RBMS3: variants seen among roughly 807,000 people sequenced by gnomAD.
RBMS3 encodes the protein RNA binding motif single stranded interacting protein 3, also known as RNA-binding motif, single-stranded-interacting protein 3.
RBMS3 carries 27 observed loss-of-function variants against 66.8 expected under a neutral mutation model. The observed-to-expected ratio is 0.40, with a 90% CI of 0.30 to 0.56. The LOEUF (loss-of-function observed/expected upper bound fraction) is 0.56. Among genes scored for constraint, RBMS3 ranks in the 20% least tolerant of loss-of-function variants. The pLI is 0.40. For synonymous variants in RBMS3, 188 were observed against 183.0 expected, an observed-to-expected ratio of 1.03 and a Z score of -0.22; for missense variants, 513 against 549.5, an observed-to-expected ratio of 0.93 and a Z score of 0.66.
Position 29,690,477 on chromosome 3 carries a change from A to G in RBMS3, c.400-49243A>G, listed in dbSNP as rs566362716. 7.8e-4 allele frequency among the ~76,000 whole-genome samples: 119 copies of G among 152,362 alleles called. 2 individuals are homozygous for G. In the South Asian group the frequency reaches 0.023, roughly 30 times the overall value. On this transcript the variant is annotated intron_variant, in intron 4 of 14. Coordinates refer to ENST00000383767, the MANE Select transcript of RBMS3 (RefSeq NM_001003793.3). ...ATGTATATTTTTAAATTTTTCTGTT[A>G]TAACTGATTCAAATTGTTCTTCACC...
At chr3:29,553,732 G>A (rs1482377022) in intron 3 of RBMS3, among the ~76,000 whole-genome samples, 1 of 149,894 alleles carries the variant, frequency 6.7e-6, no homozygotes, top group African/African-American at 2.5e-5. Flanking sequence ...GATTTGTTTT[G>A]TAATAGATCT....
chr3:29,647,577 TTG>T (rs2090296433), intron 4 of RBMS3, among the ~76,000 whole-genome samples: 1 of 149,496 alleles, frequency 6.7e-6, no homozygotes, highest in Admixed American at 6.7e-5. Flanking sequence ...CTAAAAGATG[TTG>T]TGTTACTCCA....
intron 1 of RBMS3, among the ~76,000 whole-genome samples, chr3:29,339,195 C>T (rs1315257894): frequency 6.6e-6 from 1 of 152,210 alleles, no homozygotes; most frequent in Non-Finnish European, 1.5e-5. Context: ...AGGGAAGCCT[C>T]ATTCTTCAAG....
At chr3:29,762,612 T>C (rs2055740651) in intron 5 of RBMS3, among the ~76,000 whole-genome samples, 1 of 152,140 alleles carries the variant, frequency 6.6e-6, no homozygotes, top group South Asian at 2.1e-4. Context: ...GTTGAACACT[T>C]TCAATTGCCA....
intron 2 of RBMS3, among the ~76,000 whole-genome samples, chr3:29,464,042 C>A (rs765441302): frequency 2.0e-5 from 3 of 152,048 alleles, no homozygotes; most frequent in Admixed American, 6.5e-5. Context: ...TAATTGAGGT[C>A]TTTGAGACCT....
At chr3:29,739,988 A>C in intron 5 of RBMS3, 111 bp downstream of exon 5, 2 of 937,328 alleles carry the variant, frequency 2.1e-6, no homozygotes, top group Non-Finnish European at 3.0e-6. Flanking sequence ...AAAAAAAAAA[A>C]AATTAAAAGT....
At chr3:29,429,825 A>C (rs1197272100) in intron 1 of RBMS3, among the ~76,000 whole-genome samples, 1 of 152,224 alleles carries the variant, frequency 6.6e-6, no homozygotes, top group Non-Finnish European at 1.5e-5. Context: ...ATCAATGATA[A>C]AATCCCAAAT....
At chr3:29,870,380 T>C (rs1216022871) in intron 7 of RBMS3, among the ~76,000 whole-genome samples, 1 of 152,170 alleles carries the variant, frequency 6.6e-6, no homozygotes, top group Non-Finnish European at 1.5e-5. Flanking sequence ...TGATTAGAGA[T>C]ATCTTTGGGT....
intron 6 of RBMS3, among the ~76,000 whole-genome samples, chr3:29,824,433 T>C (rs2058154259): frequency 6.6e-6 from 1 of 152,148 alleles, no homozygotes; most frequent in Admixed American, 6.5e-5. Context: ...CTTATTGTTA[T>C]AGCAGCCAAA....
intron 10 of RBMS3, chr3:29,926,843 A>C (rs1264460398): frequency 6.6e-6 from 1 of 152,220 alleles, no homozygotes; most frequent in African/African-American, 2.4e-5. Flanking sequence ...ATACAAAGTG[A>C]TTGCTGTACA....
chr3:29,960,076 CAA>C (rs1292617547), intron 12 of RBMS3, among the ~76,000 whole-genome samples: 1 of 152,116 alleles, frequency 6.6e-6, no homozygotes, highest in Non-Finnish European at 1.5e-5. Flanking sequence ...AGTCCAAATC[CAA>C]AGTCTCATCA....
At chr3:29,627,324 G>A (rs750055664) in intron 4 of RBMS3, among the ~76,000 whole-genome samples, 24 of 146,800 alleles carry the variant, frequency 1.6e-4, no homozygotes, top group Admixed American at 4.1e-4. Flanking sequence ...CTTCTGCCTC[G>A]CTAACTTTAA....
At chr3:29,552,835 T>C (rs758361082) in intron 3 of RBMS3, among the ~76,000 whole-genome samples, 4 of 152,120 alleles carry the variant, frequency 2.6e-5, no homozygotes, top group Non-Finnish European at 5.9e-5. Context: ...GTTAGTAAAA[T>C]GTATCTCTAG....
intron 12 of RBMS3, among the ~76,000 whole-genome samples, chr3:29,974,607 C>G (rs1364036438): frequency 6.6e-6 from 1 of 151,384 alleles, no homozygotes; most frequent in Non-Finnish European, 1.5e-5. Flanking sequence ...TTTATAATCC[C>G]CACAAAAGTA....
rs1314235011 is a variant in RBMS3 at position 30,008,018 on chromosome 3, C to G, written c.*4156C>G. 1 of 151,944 alleles carries G rather than the reference C, an allele frequency of 6.6e-6. No homozygotes were observed. The highest frequency in any genetic ancestry group is 1.5e-5 in the Non-Finnish European group (1 of 67,952). 9.4% of individuals were successfully genotyped at this position (151,944 alleles called of 1,614,324 possible). A position where few individuals can be genotyped will look rare whatever the true frequency, so the allele number is the denominator to read the frequency against. On this transcript the variant is annotated 3_prime_UTR_variant, in exon 15 of 15. Transcript: ENST00000383767. ...ATGCCTAAAAATACATCTTTGGACC[C>G]CTTGCAAAGTGCTTTAAAAGTACTT...
rs532768485 is a variant in RBMS3 at position 29,893,555 on chromosome 3, A to G, written c.792-3824A>G. On this transcript the variant is annotated intron_variant, in intron 8 of 14. Transcript: ENST00000383767. Reference sequence around the variant, plus strand: ...GCATGGCATATGAGGAAGACTGTTTATTGAGTGGCCTTGGGTGCCTCACGT... The same window carrying G: ...GCATGGCATATGAGGAAGACTGTTTGTTGAGTGGCCTTGGGTGCCTCACGT... Among the ~76,000 whole-genome samples the G allele has an allele frequency of 2.0e-5, 3 of 151,646 alleles. No homozygotes were observed. The East Asian group carries it at 5.8e-4, about 30-fold the overall frequency.
intron 4 of RBMS3, among the ~76,000 whole-genome samples, chr3:29,705,767 C>T (rs543283522): frequency 2.6e-5 from 4 of 152,174 alleles, no homozygotes; most frequent in African/African-American, 9.6e-5. Flanking sequence ...ACTGAGATAA[C>T]ATATATGATA....
At position 29,995,538 on chromosome 3, in the gene RBMS3, G is replaced by A. The variant is rs546181092; in HGVS notation, c.1307+4329G>A. ...AGAAAGGTCGGGTTACCCTCAAAGG[G>A]AAGCCCATCAGACTAACAGCGGATC... is the stretch of plus-strand genomic sequence containing the variant. On this transcript the variant is annotated intron_variant, in intron 14 of 14. Coordinates refer to ENST00000383767, the MANE Select transcript of RBMS3 (RefSeq NM_001003793.3). 8.6e-5 allele frequency among the ~76,000 whole-genome samples: 13 copies of A among 150,568 alleles called. No homozygotes were observed. The South Asian group carries it at 1.9e-3, about 22-fold the overall frequency.
intron 1 of RBMS3, among the ~76,000 whole-genome samples, chr3:29,331,974 G>T (rs7373092): frequency 3.3e-5 from 5 of 151,706 alleles, no homozygotes; most frequent in East Asian, 2.0e-4. Context: ...GAACTCTTTG[G>T]GGGAGTATCT....
Sources: gnomAD v4.1 joint callset for allele counts (sites outside exome capture counted in the v4.1 genomes callset) on GRCh38, gnomAD v4.1.1 for gene constraint, MANE v1.5 for transcripts, NCBI Gene and HGNC (gene_info 2026-07-23, HGNC 2026-07-21) for gene names.